DCPH1: variants seen among roughly 807,000 people sequenced by gnomAD.
DCPH1 encodes the protein damage-control phosphatase 1.
the DCPH1 span, chr6:151,468,866 T>G: frequency 1.2e-6 from 2 of 1,614,074 alleles, no homozygotes; most frequent in South Asian, 2.2e-5. Context: ...AAGGCACATT[T>G]AATTTTATTC....
chr6:151,459,318 T>A, the DCPH1 span, among the ~76,000 whole-genome samples: 1 of 152,240 alleles, frequency 6.6e-6, no homozygotes, highest in Non-Finnish European at 1.5e-5. Context: ...CGTTACAACT[T>A]ACTTGGTTTA....
chr6:151,467,519 T>C, the DCPH1 span, among the ~76,000 whole-genome samples: 1 of 152,268 alleles, frequency 6.6e-6, no homozygotes, highest in African/African-American at 2.4e-5. Flanking sequence ...TTTGGTACAT[T>C]ATTTACATGC....
At chr6:151,465,273 G>A in the DCPH1 span, among the ~76,000 whole-genome samples, 5 of 152,182 alleles carry the variant, frequency 3.3e-5, no homozygotes, top group African/African-American at 1.2e-4. Context: ...ACTATTAGGA[G>A]ACGTGGTACA....
the DCPH1 span, among the ~76,000 whole-genome samples, chr6:151,461,845 G>C: frequency 7.2e-5 from 11 of 152,180 alleles, no homozygotes; most frequent in Admixed American, 3.9e-4. Flanking sequence ...GCATCTTTAA[G>C]TTCAAGAAAC....
At chr6:151,466,945 T>C in the DCPH1 span, among the ~76,000 whole-genome samples, 1 of 152,034 alleles carries the variant, frequency 6.6e-6, no homozygotes, top group South Asian at 2.1e-4. Context: ...TATTCATTTA[T>C]CTCTTTTTAA....
At chr6:151,454,637 T>C in the DCPH1 span, 1 of 1,538,484 alleles carries the variant, frequency 6.5e-7, no homozygotes, top group South Asian at 1.2e-5. Flanking sequence ...AGTGAATTTT[T>C]TGAGAAACAC....
At chr6:151,467,683 C>G in the DCPH1 span, among the ~76,000 whole-genome samples, 1 of 151,840 alleles carries the variant, frequency 6.6e-6, no homozygotes, top group Non-Finnish European at 1.5e-5. Context: ...AAGTCCTAAA[C>G]GTGTAATTTT....
the DCPH1 span, chr6:151,452,537 C>T: frequency 1.3e-5 from 21 of 1,611,432 alleles, no homozygotes; most frequent in Non-Finnish European, 1.7e-5. Context: ...GCCGGGATCG[C>T]GGAAAGTGAT....
the DCPH1 span, among the ~76,000 whole-genome samples, chr6:151,455,467 C>T: frequency 0.011 from 1,735 of 152,272 alleles, 82 homozygotes; most frequent in Admixed American, 0.098. Flanking sequence ...CAGACAAACA[C>T]GTGAACAAAG....
chr6:151,453,332 G>A, the DCPH1 span, among the ~76,000 whole-genome samples: 4 of 152,152 alleles, frequency 2.6e-5, no homozygotes, highest in South Asian at 6.2e-4. Context: ...GTAGTAGTTA[G>A]GAAAACAGTA....
At chr6:151,462,689 C>A in the DCPH1 span, among the ~76,000 whole-genome samples, 1 of 152,082 alleles carries the variant, frequency 6.6e-6, no homozygotes, top group East Asian at 1.9e-4. Context: ...TTGGATATAT[C>A]CCTCCCTAGA....
the DCPH1 span, chr6:151,458,642 A>G: frequency 5.8e-6 from 8 of 1,377,184 alleles, no homozygotes; most frequent in East Asian, 2.3e-5. Flanking sequence ...TAAAAGGATA[A>G]GTTTAAAAAT....
At chr6:151,468,380 C>T in the DCPH1 span, 15 of 1,578,372 alleles carry the variant, frequency 9.5e-6, no homozygotes, top group Non-Finnish European at 1.1e-5. Flanking sequence ...CTGTCTCTCT[C>T]AGGTGGAGAA....
chr6:151,453,969 A>G, the DCPH1 span, among the ~76,000 whole-genome samples: 11 of 152,214 alleles, frequency 7.2e-5, no homozygotes. Context: ...GCTTAGGGGC[A>G]GAATAGGATG....
chr6:151,456,719 TA>T, the DCPH1 span, among the ~76,000 whole-genome samples: 4 of 152,180 alleles, frequency 2.6e-5, no homozygotes, highest in African/African-American at 7.2e-5. Context: ...GGTGCAGTCA[TA>T]GCTCACTGCA....
the DCPH1 span, chr6:151,452,608 C>A: frequency 6.3e-7 from 1 of 1,598,358 alleles, no homozygotes; most frequent in Non-Finnish European, 8.5e-7. Flanking sequence ...TTTTCTCCTC[C>A]CCACTTTTGC....
At chr6:151,457,255 T>G in the DCPH1 span, among the ~76,000 whole-genome samples, 1 of 152,224 alleles carries the variant, frequency 6.6e-6, no homozygotes, top group East Asian at 1.9e-4. Flanking sequence ...CCAGGCTTTA[T>G]TCATCTTTCT....
the DCPH1 span, chr6:151,458,494 A>T: frequency 6.2e-7 from 1 of 1,613,310 alleles, no homozygotes; most frequent in African/African-American, 1.3e-5. Flanking sequence ...AGTGATGGAA[A>T]ATCAAGATGG....
chr6:151,464,441 C>G, the DCPH1 span: 28 of 1,587,522 alleles, frequency 1.8e-5, no homozygotes, highest in Admixed American at 5.4e-5. Flanking sequence ...CTTTGTTTTT[C>G]TCCTACTTTA....
Sources: allele counts gnomAD v4.1 joint callset (sites outside exome capture counted in the v4.1 genomes callset), GRCh38; gene constraint gnomAD v4.1.1; transcripts MANE v1.5; gene names NCBI Gene and HGNC (gene_info 2026-07-23, HGNC 2026-07-21).